IKZF1: variants seen among roughly 807,000 people sequenced by gnomAD.
The protein encoded by IKZF1 is DNA-binding protein Ikaros.
IKZF1 carries 10 observed loss-of-function variants against 51.7 expected under a neutral mutation model. The ratio of observed to expected loss-of-function variants is 0.19; its 90% CI spans 0.12 to 0.33. The LOEUF is 0.33. Among genes scored for constraint, IKZF1 ranks in the 10% least tolerant of loss-of-function variants. The probability of loss-of-function intolerance (pLI) is 1.00; values close to 1 mark genes in which losing one functional copy is unlikely to be tolerated. For missense variants in IKZF1, 484 were observed against 707.5 expected (o/e 0.68, Z 3.58); for synonymous variants, 280 against 282.3 (o/e 0.99, Z 0.08).
intron 3 of IKZF1, among the ~76,000 whole-genome samples, chr7:50,359,665 CGTG>C (rs1318604762): frequency 1.3e-5 from 2 of 152,264 alleles, no homozygotes; most frequent in South Asian, 2.1e-4. Context: ...CACGTGCACA[CGTG>C]GTCACTCATG....
intron 3 of IKZF1, among the ~76,000 whole-genome samples, chr7:50,345,686 A>G (rs1800174646): frequency 6.6e-6 from 1 of 152,244 alleles, no homozygotes; most frequent in Non-Finnish European, 1.5e-5. Context: ...GCAGCTTGGC[A>G]GAAAGAAAAA....
Position 50,376,482 on chromosome 7 carries a change from A to G in IKZF1, c.161-51A>G, listed in dbSNP as rs2153468012. 1.9e-6 allele frequency: 3 copies of G among 1,588,928 alleles called. No homozygotes were observed. The highest frequency in any genetic ancestry group is 2.2e-5 in the East Asian group (1 of 44,604). On this transcript the variant is annotated intron_variant, in intron 3 of 7. Transcript: ENST00000331340. The surrounding 1 kb of genome is among the most constrained non-coding windows in gnomAD (Gnocchi z 4.5). ...TTTTTGCTGCTGTGTTGTTTTGTTGAGTTTTTTTTTTGCAATGACACTGAG... is the reference window on the plus strand; with the variant it reads ...TTTTTGCTGCTGTGTTGTTTTGTTGGGTTTTTTTTTTGCAATGACACTGAG...
rs1383086164 is a variant in IKZF1 at position 50,358,857 on chromosome 7, T to TG, written c.161-17676_161-17675insG. Reference sequence around the variant, plus strand: ...ACTATATATTACAAAGTCCTTGGAGTTTTTTTTCCCTGGTTAGACATAAGT... The same window carrying TG: ...ACTATATATTACAAAGTCCTTGGAGTGTTTTTTTCCCTGGTTAGACATAAGT... On this transcript the variant is annotated intron_variant, in intron 3 of 7. Transcript: ENST00000331340. Among the ~76,000 whole-genome samples, 44 of 11,192 alleles carry TG rather than the reference T, an allele frequency of 3.9e-3. 3 individuals are homozygous for TG. In the South Asian group the frequency reaches 0.043, roughly 11 times the overall value. The allele number at this position is 11,192 out of a possible 152,430, so 7.3% of individuals were successfully genotyped here.
intron 3 of IKZF1, among the ~76,000 whole-genome samples, chr7:50,345,120 G>A (rs1050881566): frequency 6.6e-6 from 1 of 151,964 alleles, no homozygotes; most frequent in African/African-American, 2.4e-5. Context: ...CACACCCTCT[G>A]GTCTTCTCCC....
At chr7:50,381,271 TTAAA>T (rs777270860) in intron 4 of IKZF1, among the ~76,000 whole-genome samples, 36 of 152,248 alleles carry the variant, frequency 2.4e-4, no homozygotes, top group Non-Finnish European at 4.7e-4. Context: ...CGGGAAATGG[TTAAA>T]TAGACATTTT....
chr7:50,319,017 TTAAAC>T lies in IKZF1; in HGVS notation c.-14-26_-14-22del, dbSNP rs1465668540. Reference sequence around the variant, plus strand: ...CTCATATCTTATTAGTATTTTTGCTTTAAACTAAAATCCCTTCCTCTCTTTCTCAG... The same window carrying T: ...CTCATATCTTATTAGTATTTTTGCTTTAAAATCCCTTCCTCTCTTTCTCAG... On this transcript the variant is annotated intron_variant, in intron 1 of 7. Coordinates refer to ENST00000331340, the MANE Select transcript of IKZF1 (RefSeq NM_006060.6). 4 of 1,497,144 alleles carry T rather than the reference TTAAAC, an allele frequency of 2.7e-6. 1 individual carries two copies. The South Asian group carries it at 4.5e-5, about 17-fold the overall frequency. The allele number at this position is 1,497,144 out of a possible 1,614,324, so 92.7% of individuals were successfully genotyped here.
intron 3 of IKZF1, among the ~76,000 whole-genome samples, chr7:50,363,273 T>G (rs963980950): frequency 2.0e-5 from 3 of 152,110 alleles, no homozygotes; most frequent in Non-Finnish European, 4.4e-5. Context: ...ACTTGCCTTC[T>G]TCTGCAAACT....
intron 3 of IKZF1, among the ~76,000 whole-genome samples, chr7:50,346,632 C>A (rs1800441076): frequency 6.6e-6 from 1 of 152,200 alleles, no homozygotes; most frequent in African/African-American, 2.4e-5. Flanking sequence ...ACCCAAAGGG[C>A]CTTCCTGGTC....
At chr7:50,320,159 G>T (rs934316487) in intron 2 of IKZF1, among the ~76,000 whole-genome samples, 1 of 152,042 alleles carries the variant, frequency 6.6e-6, no homozygotes, top group African/African-American at 2.4e-5. Flanking sequence ...GTGAGGCTTC[G>T]TATTTATTAC....
At chr7:50,333,376 C>G (rs1228783249) in intron 3 of IKZF1, among the ~76,000 whole-genome samples, 4 of 151,970 alleles carry the variant, frequency 2.6e-5, no homozygotes, top group African/African-American at 9.7e-5. Context: ...CCTCTACACT[C>G]TGGGAGGGAA....
chr7:50,357,692 A>C (rs527518643), intron 3 of IKZF1, among the ~76,000 whole-genome samples: 5 of 152,160 alleles, frequency 3.3e-5, no homozygotes, highest in Non-Finnish European at 7.4e-5. Flanking sequence ...CCCAAGTTGG[A>C]GATGGTCCTC....
chr7:50,362,629 T>C (rs2153449353), intron 3 of IKZF1, among the ~76,000 whole-genome samples: 1 of 152,330 alleles, frequency 6.6e-6, no homozygotes, highest in East Asian at 1.9e-4. Flanking sequence ...TCCATAAGGT[T>C]CACCCTTACT....
At chr7:50,325,260 C>T (rs1358144397) in intron 2 of IKZF1, among the ~76,000 whole-genome samples, 3 of 146,166 alleles carry the variant, frequency 2.1e-5, no homozygotes, top group Middle Eastern at 6.9e-3. Context: ...CACCCACCCC[C>T]CAACCCCCCG....
At chr7:50,354,496 T>G (rs1165193009) in intron 3 of IKZF1, among the ~76,000 whole-genome samples, 4 of 152,176 alleles carry the variant, frequency 2.6e-5, no homozygotes, top group Admixed American at 6.5e-5. Flanking sequence ...AACACAGGCC[T>G]GAAGGGAGCC....
chr7:50,386,486 AG>A (rs1405242103), intron 5 of IKZF1, among the ~76,000 whole-genome samples: 1 of 152,226 alleles, frequency 6.6e-6, no homozygotes, highest in Admixed American at 6.5e-5. Context: ...CTGTTGAACA[AG>A]GCTGATCTGG....
intron 3 of IKZF1, among the ~76,000 whole-genome samples, chr7:50,351,742 T>C (rs1440021568): frequency 3.3e-5 from 5 of 152,194 alleles, no homozygotes; most frequent in African/African-American, 1.2e-4. Flanking sequence ...TAATCCAGCA[T>C]TTAGGGGAAG....
At chr7:50,362,442 A>T (rs1269857406) in intron 3 of IKZF1, among the ~76,000 whole-genome samples, 1 of 152,202 alleles carries the variant, frequency 6.6e-6, no homozygotes, top group East Asian at 1.9e-4. Context: ...GGACTTGCAA[A>T]GCACTAGCCC....
intron 3 of IKZF1, among the ~76,000 whole-genome samples, chr7:50,332,345 T>A (rs1472038224): frequency 6.6e-6 from 1 of 152,206 alleles, no homozygotes; most frequent in Non-Finnish European, 1.5e-5. Context: ...TTCTCTCTTG[T>A]ACACATTTCC....
At chr7:50,318,157 G>A (rs1485508013) in intron 1 of IKZF1, among the ~76,000 whole-genome samples, 1 of 2,426 alleles carries the variant, frequency 4.1e-4, no homozygotes, top group African/African-American at 4.4e-4. Context: ...CAGGACCCAA[G>A]TGCGAAAACA....
Sources: gnomAD v4.1 joint callset for allele counts (sites outside exome capture counted in the v4.1 genomes callset) on GRCh38, gnomAD v4.1.1 for gene constraint, Gnocchi (gnomAD v3.1) non-coding constraint, MANE v1.5 for transcripts, NCBI Gene and HGNC (gene_info 2026-07-23, HGNC 2026-07-21) for gene names.